Variants in RELN observed in about 807,000 individuals in gnomAD.
RELN encodes the protein reelin.
RELN carries 108 observed loss-of-function variants against 427.6 expected under a neutral mutation model. The observed-to-expected ratio is 0.25, with a 90% confidence interval of 0.22 to 0.30. The LOEUF (loss-of-function observed/expected upper bound fraction) is 0.30, where lower values mean the gene tolerates loss of function less well. RELN is among the 10% of genes least tolerant of loss of function. RELN has a pLI of 1.00. For synonymous variants in RELN, 1,524 were observed against 1,513.4 expected, an observed-to-expected ratio of 1.01 and a Z score of -0.16; for missense variants, 3,715 against 4,302.8, an observed-to-expected ratio of 0.86 and a Z score of 3.82.
chr7:103,593,751 T>C lies in RELN; in HGVS notation c.3843A>G (p.Lys1281=). ...TTACTGCAAATCGATCTCCATCTGA[T>C]TTTCCAAATATCATTGCTGATGGTG... ...AATPSAMIFG[K]SDGDRFAVTR... Residue 1281 remains lysine, a synonymous_variant, in exon 27 of 65, where the codon AAA becomes AAG. Transcript: ENST00000428762. The C allele has an allele frequency of 6.2e-7, 1 of 1,614,102 alleles. No homozygotes were observed. The highest frequency in any genetic ancestry group is 8.5e-7 in the Non-Finnish European group (1 of 1,179,968).
intron 1 of RELN, among the ~76,000 whole-genome samples, chr7:103,973,097 C>A (rs1796798491): frequency 6.6e-6 from 1 of 152,176 alleles, no homozygotes; most frequent in Non-Finnish European, 1.5e-5. Flanking sequence ...AGCAAAGGTG[C>A]CCTGAAGGTT....
chr7:103,856,917 T>C (rs1278029625), intron 2 of RELN, among the ~76,000 whole-genome samples: 3 of 152,080 alleles, frequency 2.0e-5, no homozygotes, highest in Non-Finnish European at 4.4e-5. Flanking sequence ...TTAAAATATA[T>C]ATATTGAAAA....
intron 12 of RELN, among the ~76,000 whole-genome samples, chr7:103,660,672 T>C (rs901150835): frequency 1.3e-5 from 2 of 152,178 alleles, no homozygotes; most frequent in Non-Finnish European, 2.9e-5. Context: ...CTTCCAGATA[T>C]TGCCTGTGCT....
intron 49 of RELN, 65 bp downstream of exon 49, chr7:103,519,258 G>T: frequency 7.8e-7 from 1 of 1,274,402 alleles, no homozygotes; most frequent in Non-Finnish European, 1.1e-6. Context: ...AGTCTCCCGT[G>T]ACTGATTGCT....
intron 6 of RELN, among the ~76,000 whole-genome samples, chr7:103,737,536 G>A (rs562583572): frequency 2.6e-5 from 4 of 152,220 alleles, no homozygotes; most frequent in East Asian, 1.9e-4. Context: ...ACTTCTTTTC[G>A]TTTGTGGGCT....
At chr7:103,572,122 G>C (rs1444577403) in intron 31 of RELN, 62 bp downstream of exon 31, 1 of 940,190 alleles carries the variant, frequency 1.1e-6, no homozygotes, top group African/African-American at 1.6e-5. Flanking sequence ...CCAAACTTTG[G>C]GAGGATAAAG....
intron 1 of RELN, among the ~76,000 whole-genome samples, chr7:103,938,189 C>T (rs944039745): frequency 9.9e-5 from 15 of 152,034 alleles, no homozygotes; most frequent in South Asian, 6.2e-4. Context: ...GGTGTGGTGG[C>T]GCATGCCTGT....
chr7:103,485,897 G>A (rs1318714986), intron 61 of RELN, among the ~76,000 whole-genome samples: 1 of 152,118 alleles, frequency 6.6e-6, no homozygotes, highest in African/African-American at 2.4e-5. Flanking sequence ...AATTATCTAT[G>A]TAGTTTATCC....
intron 6 of RELN, among the ~76,000 whole-genome samples, chr7:103,742,453 C>G (rs538600616): frequency 1.3e-5 from 2 of 151,938 alleles, no homozygotes; most frequent in Non-Finnish European, 2.9e-5. Context: ...AGGCTTCAGA[C>G]GATCAAACTA....
Position 103,604,431 on chromosome 7 carries a change from C to T in RELN, c.3061G>A (p.Glu1021Lys), listed in dbSNP as rs910972681. The change falls in exon 23 of 65, where the codon GAG (glutamate) becomes AAG (lysine). Residue 1021 changes from glutamate (E) to lysine (K), a missense_variant. Physicochemically the swap from Glu to Lys is moderately conservative, Grantham distance 56. Coordinates refer to ENST00000428762, the MANE Select transcript of RELN (RefSeq NM_005045.4). Reference protein sequence around the residue: ...WSQSYYTAQDEWALDSIYIGQ... With the variant: ...WSQSYYTAQDKWALDSIYIGQ... ...ATGTAAATGCTGTCCAAAGCCCACTCGTCTTGAGCTGTGTAATAGCTCTGG... is the reference window on the plus strand; with the variant it reads ...ATGTAAATGCTGTCCAAAGCCCACTTGTCTTGAGCTGTGTAATAGCTCTGG... 8.1e-6 allele frequency: 13 copies of T among 1,613,806 alleles called. No individual in the cohort carries two copies. Among genetic ancestry groups the T allele is most frequent in the Admixed American group, 3.3e-5 (2 of 59,978 alleles).
chr7:103,564,083 T>C (rs1429002112), intron 34 of RELN, among the ~76,000 whole-genome samples: 1 of 152,254 alleles, frequency 6.6e-6, no homozygotes, highest in African/African-American at 2.4e-5. Context: ...ATTCATGTAG[T>C]ACCAGAGTGC....
chr7:103,844,960 G>C (rs544470958), intron 2 of RELN, among the ~76,000 whole-genome samples: 165 of 152,298 alleles, frequency 1.1e-3, no homozygotes, highest in Middle Eastern at 3.4e-3. Flanking sequence ...TAAGGAACAA[G>C]AGGCAATGAT....
chr7:103,665,087 G>A (rs1018720604), intron 11 of RELN, among the ~76,000 whole-genome samples: 19 of 152,040 alleles, frequency 1.2e-4, no homozygotes, highest in Admixed American at 3.9e-4. Flanking sequence ...CATTTAGGTG[G>A]TTTTAATGAA....
intron 47 of RELN, 107 bp downstream of exon 47, chr7:103,523,284 T>A: frequency 2.4e-6 from 3 of 1,260,394 alleles, no homozygotes; most frequent in South Asian, 2.6e-5. Context: ...AAAAAATGTA[T>A]AACTTAAGGA....
chr7:103,682,497 ATC>A (rs1833677445), intron 10 of RELN, among the ~76,000 whole-genome samples: 1 of 152,186 alleles, frequency 6.6e-6, no homozygotes, highest in African/African-American at 2.4e-5. Context: ...GAGCTTTGCC[ATC>A]TCTGTCTTCA....
In RELN at chr7:103,496,766, T is replaced by C. The variant is rs1351998115; in HGVS notation, c.8953A>G (p.Ile2985Val). The part of the protein sequence containing the change: ...VLLDYSTDGG[I>V]TWTLLHEMDY... ...ATCTCATGGAGCAAAGTCCAGGTAA[T>C]TCCTATAATAACAAATATACCAACA... The change falls in exon 56 of 65, where the codon ATT (isoleucine) becomes GTT (valine). Residue 2985 changes from isoleucine (I) to valine (V), a missense_variant and splice_region_variant. By Grantham distance (29) the Ile-to-Val change is conservative. Coordinates refer to ENST00000428762, the MANE Select transcript of RELN (RefSeq NM_005045.4). The C allele has an allele frequency of 6.2e-7, 1 of 1,610,850 alleles. No individual in the cohort carries two copies. The highest frequency in any genetic ancestry group is 1.7e-5 in the Admixed American group (1 of 60,000).
At chr7:103,474,123 T>C (rs1827948774) in intron 64 of RELN, among the ~76,000 whole-genome samples, 1 of 152,134 alleles carries the variant, frequency 6.6e-6, no homozygotes, top group African/African-American at 2.4e-5. Flanking sequence ...CTTAGGCATA[T>C]TATACTAGCA....
rs750878959 is a variant in RELN, at chr7:103,545,336, C to T, written c.6311G>A (p.Arg2104His). ...GTAAAATCCCTGGTACCATCTGAAA[C>T]GGACAGATCTGGAAAAGAGGACAAG... ...FGKLHLCGSVRFRWYQGFYPA... is the reference protein window; with the variant it reads ...FGKLHLCGSVHFRWYQGFYPA... The change falls in exon 42 of 65, where the codon CGT becomes CAT. Residue 2104 changes from arginine to histidine, a missense_variant. This residue lies in a region of RELN where 1,310 missense variants were observed against 1,643.0 expected (regional missense o/e 0.80). Coordinates refer to ENST00000428762, the MANE Select transcript of RELN (RefSeq NM_005045.4). 34 of 1,611,696 alleles carry T rather than the reference C, an allele frequency of 2.1e-5. 1 individual carries two copies. Among genetic ancestry groups the T allele is most frequent in the African/African-American group, 8.0e-5 (6 of 74,970 alleles).
chr7:103,655,360 C>G (rs1265141030), intron 12 of RELN, among the ~76,000 whole-genome samples: 1 of 152,024 alleles, frequency 6.6e-6, no homozygotes, highest in Non-Finnish European at 1.5e-5. Context: ...TCCTTCAGTT[C>G]CTAAATCAAC....
Sources: gnomAD v4.1 joint callset for allele counts (sites outside exome capture counted in the v4.1 genomes callset) on GRCh38, gnomAD v4.1.1 for gene constraint, gnomAD v4.1.1 regional missense constraint, MANE v1.5 for transcripts, NCBI Gene and HGNC (gene_info 2026-07-23, HGNC 2026-07-21) for gene names.